Variants in GRIP1 observed in about 807,000 individuals in gnomAD.
GRIP1 encodes glutamate receptor interacting protein 1, also known as glutamate receptor-interacting protein 1.
In GRIP1, 45 loss-of-function variants were observed where a neutral mutation model predicts 129.9. The ratio of observed to expected loss-of-function variants is 0.35; its 90% CI spans 0.27 to 0.44. GRIP1 has a LOEUF of 0.44. Among genes scored for constraint, GRIP1 ranks in the 20% least tolerant of loss-of-function variants. GRIP1 has a pLI of 1.00. For synonymous variants in GRIP1, 530 were observed against 520.8 expected (o/e 1.02, Z -0.24); for missense variants, 1,196 against 1,396.8 (o/e 0.86, Z 2.29).
At chr12:66,531,080 C>T (rs1592498446) in intron 4 of GRIP1, among the ~76,000 whole-genome samples, 2 of 151,328 alleles carry the variant, frequency 1.3e-5, no homozygotes, top group African/African-American at 2.4e-5. Flanking sequence ...ACTAAAAATG[C>T]AAAAATCAGC....
At chr12:66,460,884 T>C (rs1369094623) in intron 9 of GRIP1, among the ~76,000 whole-genome samples, 1 of 152,222 alleles carries the variant, frequency 6.6e-6, no homozygotes, top group Non-Finnish European at 1.5e-5. Flanking sequence ...GATTTAATTA[T>C]GTTTAGGAGC....
chr12:66,611,709 AGGC>A (rs2064800814), intron 1 of GRIP1, among the ~76,000 whole-genome samples: 2 of 152,230 alleles, frequency 1.3e-5, no homozygotes, highest in Non-Finnish European at 2.9e-5. Flanking sequence ...AATACAAAGA[AGGC>A]ATACATTTAC....
chr12:66,474,934 G>C (rs573917863), intron 7 of GRIP1, among the ~76,000 whole-genome samples: 16 of 152,180 alleles, frequency 1.1e-4, no homozygotes, highest in African/African-American at 3.6e-4. Flanking sequence ...CAAGCAAAAT[G>C]ACCAGCTAAC....
chr12:66,538,753 C>G (rs1399046030), intron 4 of GRIP1, among the ~76,000 whole-genome samples: 1 of 151,662 alleles, frequency 6.6e-6, no homozygotes. Flanking sequence ...CAGGTGTGCA[C>G]CACCATGCCC....
chr12:66,497,264 A>G (rs1199823466), intron 7 of GRIP1, among the ~76,000 whole-genome samples: 1 of 152,226 alleles, frequency 6.6e-6, no homozygotes, highest in African/African-American at 2.4e-5. Context: ...AGGAAAAGTA[A>G]GGGCTCCCTG....
At chr12:66,699,054 T>C (rs1451739540) in intron 1 of GRIP1, among the ~76,000 whole-genome samples, 1 of 151,996 alleles carries the variant, frequency 6.6e-6, no homozygotes, top group Non-Finnish European at 1.5e-5. Context: ...CCAGCCCTCA[T>C]CCACACCCAC....
intron 1 of GRIP1, among the ~76,000 whole-genome samples, chr12:66,686,918 C>T (rs2034806243): frequency 6.6e-6 from 1 of 152,040 alleles, no homozygotes. Context: ...ACTCAGCAGG[C>T]TCATGTGATG....
chr12:66,979,201 A>C (rs2042199518), intron 1 of GRIP1, among the ~76,000 whole-genome samples: 1 of 139,046 alleles, frequency 7.2e-6, no homozygotes, highest in Non-Finnish European at 1.5e-5. Context: ...TAATATCCCC[A>C]AGCCACAAAA....
At chr12:66,559,251 AGT>A (rs2062436379) in intron 2 of GRIP1, among the ~76,000 whole-genome samples, 2 of 152,276 alleles carry the variant, frequency 1.3e-5, no homozygotes, top group South Asian at 4.1e-4. Flanking sequence ...AAAAACTGAA[AGT>A]GTTTTCTCTA....
At position 66,377,050 on chromosome 12, in the gene GRIP1, G is replaced by A; in HGVS notation, c.2745C>T (p.Asp915=). ...TCATGTTTCTCAAAGACACACGCCT[G>A]TCAGCTTTCTCCTGTGGAAAGGGTT... ...GILRELEEKA[D]RRVSLRNMTL... Residue 915 remains aspartate (D), a synonymous_variant, in exon 22 of 25, where the codon GAC becomes GAT. Transcript: ENST00000359742. The A allele has an allele frequency of 6.2e-7, 1 of 1,612,288 alleles. No individual in the cohort carries two copies. The highest frequency in any genetic ancestry group is 8.5e-7 in the Non-Finnish European group (1 of 1,178,266).
intron 1 of GRIP1, among the ~76,000 whole-genome samples, chr12:66,657,508 C>T (rs1177667974): frequency 6.6e-6 from 1 of 152,204 alleles, no homozygotes; most frequent in African/African-American, 2.4e-5. Flanking sequence ...CTCCAATCAT[C>T]ATCTTAGATA....
intron 15 of GRIP1, among the ~76,000 whole-genome samples, chr12:66,410,417 A>C (rs1236237671): frequency 4.0e-5 from 6 of 150,444 alleles, no homozygotes; most frequent in Non-Finnish European, 8.9e-5. Flanking sequence ...AGATCACCTG[A>C]GGTCAGGAGT....
chr12:66,733,840 A>G (rs755757398), intron 1 of GRIP1, among the ~76,000 whole-genome samples: 3 of 152,220 alleles, frequency 2.0e-5, no homozygotes, highest in Non-Finnish European at 4.4e-5. Flanking sequence ...ACCTCACTGC[A>G]TAACACATGA....
intron 1 of GRIP1, among the ~76,000 whole-genome samples, chr12:66,940,580 A>G (rs994872290): frequency 2.6e-5 from 4 of 152,348 alleles, no homozygotes; most frequent in African/African-American, 9.6e-5. Flanking sequence ...CATGGTTTTC[A>G]GGATAAAATT....
At chr12:66,864,122 TGTGGATCCCGA>T (rs2040159424) in intron 1 of GRIP1, among the ~76,000 whole-genome samples, 2 of 152,102 alleles carry the variant, frequency 1.3e-5, no homozygotes, top group Non-Finnish European at 2.9e-5. Context: ...ACTTCACATG[TGTGGATCCCGA>T]GTGGATCTCA....
At chr12:66,813,927 G>A (rs1348542769) in intron 1 of GRIP1, among the ~76,000 whole-genome samples, 1 of 152,142 alleles carries the variant, frequency 6.6e-6, no homozygotes, top group South Asian at 2.1e-4. Flanking sequence ...ATGGGCAAGA[G>A]TGGAAATAGG....
At chr12:67,068,354 T>C (rs1333417092) in intron 1 of GRIP1, among the ~76,000 whole-genome samples, 2 of 152,104 alleles carry the variant, frequency 1.3e-5, no homozygotes, top group African/African-American at 4.8e-5. Flanking sequence ...TAGACAGTAA[T>C]TAAGAAAAGC....
chr12:67,068,867 C>G (rs1335456881), intron 1 of GRIP1, among the ~76,000 whole-genome samples: 1 of 97,742 alleles, frequency 1.0e-5, no homozygotes, highest in East Asian at 3.9e-4. Flanking sequence ...CCCCCCCCCC[C>G]CGCAAAAAAA....
At chr12:66,623,261 C>A (rs1051420769) in intron 1 of GRIP1, among the ~76,000 whole-genome samples, 1 of 152,140 alleles carries the variant, frequency 6.6e-6, no homozygotes, top group African/African-American at 2.4e-5. Context: ...TTTCATAAAT[C>A]TTTAATCAAA....
Sources: allele counts gnomAD v4.1 joint callset (sites outside exome capture counted in the v4.1 genomes callset), GRCh38; gene constraint gnomAD v4.1.1; transcripts MANE v1.5; gene names NCBI Gene and HGNC (gene_info 2026-07-23, HGNC 2026-07-21).